The following AK9 variants were observed in gnomAD, a reference collection of about 807,000 sequenced individuals.
The protein encoded by AK9 is adenylate kinase 9.
In AK9, 191 loss-of-function variants were observed where a neutral mutation model predicts 239.6. The observed-to-expected ratio is 0.80, with a 90% CI of 0.71 to 0.90. The LOEUF (loss-of-function observed/expected upper bound fraction) is 0.90, where lower values mean the gene tolerates loss of function less well. Among genes scored for constraint, AK9 ranks in the 40% least tolerant of loss-of-function variants. The pLI is 0.00. For synonymous variants in AK9, 689 were observed against 721.0 expected (o/e 0.96, Z 0.71); for missense variants, 1,995 against 2,214.7 (o/e 0.90, Z 1.99).
At chr6:109,650,996 C>T (rs1798849626) in intron 8 of AK9, among the ~76,000 whole-genome samples, 1 of 152,072 alleles carries the variant, frequency 6.6e-6, no homozygotes, top group African/African-American at 2.4e-5. Context: ...AAACCAAACA[C>T]TGCATGTTCT....
At chr6:109,520,202 C>T (rs1455590461) in intron 29 of AK9, among the ~76,000 whole-genome samples, 3 of 152,192 alleles carry the variant, frequency 2.0e-5, no homozygotes, top group Non-Finnish European at 4.4e-5. Flanking sequence ...AGCCAATGTC[C>T]AGAATGGTGT....
intron 9 of AK9, among the ~76,000 whole-genome samples, chr6:109,642,352 G>A (rs1348730807): frequency 6.6e-6 from 1 of 152,224 alleles, no homozygotes; most frequent in Non-Finnish European, 1.5e-5. Flanking sequence ...GAGATAGTGA[G>A]ATAGCCAAAA....
At chr6:109,651,605 C>T (rs904358936) in intron 8 of AK9, among the ~76,000 whole-genome samples, 14 of 152,070 alleles carry the variant, frequency 9.2e-5, no homozygotes, top group African/African-American at 3.4e-4. Context: ...ACATAAAACT[C>T]TTCAAAAAAA....
In AK9 at chr6:109,585,808, G is replaced by A. The variant is rs904494925; in HGVS notation, c.1999+108C>T. On this transcript the variant is annotated intron_variant, in intron 18 of 40. Coordinates refer to ENST00000424296, the MANE Select transcript of AK9 (RefSeq NM_001145128.3). ...TCTAGTTCCTGCAGGGATTGCTGGG[G>A]TGGGTATTTCTATCTAGGAAGAGTG... 8.8e-6 allele frequency: 9 copies of A among 1,024,912 alleles called. No individual in the cohort carries two copies. In the African/African-American group the frequency reaches 1.2e-4, roughly 13 times the overall value. The allele number at this position is 1,024,912 out of a possible 1,614,324, so 63.5% of individuals were successfully genotyped here. A position where few individuals can be genotyped will look rare whatever the true frequency, so the allele number is the denominator to read the frequency against.
rs1460731182 is a variant in AK9, at chr6:109,514,242, T to A, written c.4261A>T (p.Lys1421Ter). ...CGCTCACCTGTAGTTTTCCCAGATT[T>A]TGGAGGCCCCACAATTATAATCCTA... ...PIRIIIVGPP[K>*]SGKTTVAKKI... Residue 1421 changes from lysine (K) to a stop codon, truncating the protein, a stop_gained, in exon 32 of 41, where the codon AAA becomes TAA. Coordinates refer to ENST00000424296, the MANE Select transcript of AK9 (RefSeq NM_001145128.3). LOFTEE classifies it high-confidence loss of function. 6.4e-7 allele frequency: 1 copy of A among 1,551,076 alleles called. No homozygotes were observed. Among genetic ancestry groups the A allele is most frequent in the Non-Finnish European group, 8.7e-7 (1 of 1,146,802 alleles).
Position 109,628,244 on chromosome 6 carries a change from T to C in AK9, c.1254+4679A>G, listed in dbSNP as rs144832800. ...CAGTATCTGTTCTGTTCACAACCTG[T>C]AGGAGCCATCCTTTGATAAGCTTTG... On this transcript the variant is annotated intron_variant, in intron 12 of 40. Transcript: ENST00000424296. 3.0e-3 allele frequency among the ~76,000 whole-genome samples: 450 copies of C among 152,330 alleles called. 4 individuals carry two copies. Among genetic ancestry groups the C allele is most frequent in the African/African-American group, 9.8e-3 (408 of 41,568 alleles).
intron 1 of AK9, among the ~76,000 whole-genome samples, chr6:109,686,359 G>T (rs1439540519): frequency 1.3e-5 from 2 of 152,232 alleles, no homozygotes; most frequent in African/African-American, 4.8e-5. Flanking sequence ...CCAAGGTAAA[G>T]GATGAGTTAC....
At position 109,622,656 on chromosome 6, in the gene AK9, G is replaced by A. The variant is rs187295668; in HGVS notation, c.1255-3420C>T. Among the ~76,000 whole-genome samples the A allele has an allele frequency of 2.0e-5, 3 of 146,814 alleles. No individual in the cohort carries two copies. In the East Asian group the frequency reaches 5.9e-4, roughly 29 times the overall value. On this transcript the variant is annotated intron_variant, in intron 12 of 40. Coordinates refer to ENST00000424296, the MANE Select transcript of AK9 (RefSeq NM_001145128.3). Reference sequence around the variant, plus strand: ...TATATAATATATAATGTGTATTATAGACATAATGTATACATATATGATATA... The same window carrying A: ...TATATAATATATAATGTGTATTATAAACATAATGTATACATATATGATATA...
chr6:109,626,810 A>C (rs1795576033), intron 12 of AK9, among the ~76,000 whole-genome samples: 1 of 152,202 alleles, frequency 6.6e-6, no homozygotes, highest in African/African-American at 2.4e-5. Context: ...CATGAATGAA[A>C]CTTGCAAGTC....
intron 5 of AK9, among the ~76,000 whole-genome samples, chr6:109,670,885 T>G (rs1291991559): frequency 6.6e-6 from 1 of 152,134 alleles, no homozygotes; most frequent in East Asian, 1.9e-4. Context: ...AATAAGTGGA[T>G]AGATAGGTAG....
intron 21 of AK9, among the ~76,000 whole-genome samples, chr6:109,565,792 C>T (rs570412125): frequency 1.1e-3 from 168 of 152,162 alleles, no homozygotes; most frequent in Non-Finnish European, 1.7e-3. Flanking sequence ...TGCATATATA[C>T]GTATGTATAT....
At chr6:109,677,884 T>A (rs1771994343) in intron 1 of AK9, among the ~76,000 whole-genome samples, 1 of 152,110 alleles carries the variant, frequency 6.6e-6, no homozygotes, top group Non-Finnish European at 1.5e-5. Flanking sequence ...TACATGTATA[T>A]CAGAATGGCT....
intron 10 of AK9, among the ~76,000 whole-genome samples, chr6:109,637,240 G>A (rs1260929043): frequency 6.6e-6 from 1 of 152,034 alleles, no homozygotes; most frequent in African/African-American, 2.4e-5. Flanking sequence ...TTTTGAACTG[G>A]ATTTTTTTAC....
rs1554264912 is a variant in AK9 at position 109,597,382 on chromosome 6, A to AC, written c.1843-11311_1843-11310insG. On this transcript the variant is annotated intron_variant, in intron 17 of 40. Coordinates refer to ENST00000424296, the MANE Select transcript of AK9 (RefSeq NM_001145128.3). ...CAAACGTTAAAAATTTTCTTTAAAA[A>AC]TTTTTTTTTGCCGGGCGCGGTGGCT... 4.6e-5 allele frequency among the ~76,000 whole-genome samples: 7 copies of AC among 151,658 alleles called. No individual in the cohort carries two copies. In the East Asian group the frequency reaches 1.4e-3, roughly 29 times the overall value.
At chr6:109,626,061 A>G (rs150092424) in intron 12 of AK9, among the ~76,000 whole-genome samples, 1 of 152,190 alleles carries the variant, frequency 6.6e-6, no homozygotes, top group African/African-American at 2.4e-5. Context: ...CAGACTGGAA[A>G]TGTTTTATTG....
intron 1 of AK9, among the ~76,000 whole-genome samples, chr6:109,687,761 G>C (rs1419326820): frequency 6.6e-6 from 1 of 152,188 alleles, no homozygotes; most frequent in Non-Finnish European, 1.5e-5. Context: ...GTGATGCCAG[G>C]GCTCCTGGCC....
chr6:109,533,824 TACAG>T (rs2128136207), intron 27 of AK9, among the ~76,000 whole-genome samples: 1 of 152,284 alleles, frequency 6.6e-6, no homozygotes, highest in African/African-American at 2.4e-5. Flanking sequence ...TCAATCAGTT[TACAG>T]ACAATTACTA....
chr6:109,603,428 T>C (rs1396019182), intron 17 of AK9, among the ~76,000 whole-genome samples: 1 of 152,182 alleles, frequency 6.6e-6, no homozygotes, highest in African/African-American at 2.4e-5. Flanking sequence ...ATTGTTCCTC[T>C]GGAAGCTTCG....
intron 15 of AK9, 88 bp downstream of exon 15, chr6:109,614,095 A>T: frequency 7.7e-7 from 1 of 1,305,476 alleles, no homozygotes; most frequent in Non-Finnish European, 1.1e-6. Flanking sequence ...TTTTGGGGGT[A>T]ATTTTAAGCA....
Sources: gnomAD v4.1 joint callset for allele counts (sites outside exome capture counted in the v4.1 genomes callset) on GRCh38, gnomAD v4.1.1 for gene constraint, MANE v1.5 for transcripts, NCBI Gene and HGNC (gene_info 2026-07-23, HGNC 2026-07-21) for gene names.